Variants in AGK observed in about 807,000 individuals in gnomAD.
AGK encodes acylglycerol kinase, also known as acylglycerol kinase, mitochondrial.
A neutral mutation model predicts 66.4 loss-of-function variants in AGK; 52 were observed. The observed-to-expected ratio is 0.78, with a 90% CI of 0.63 to 0.99. The LOEUF is 0.99. AGK is among the 50% of genes least tolerant of loss of function. The probability of loss-of-function intolerance (pLI) is 0.00; values close to 1 mark genes in which losing one functional copy is unlikely to be tolerated. For missense variants in AGK, 451 were observed against 506.6 expected (o/e 0.89, Z 1.05); for synonymous variants, 182 against 181.1 (o/e 1.00, Z -0.04).
intron 11 of AGK, among the ~76,000 whole-genome samples, chr7:141,638,212 A>G (rs1233233069): frequency 6.6e-6 from 1 of 152,176 alleles, no homozygotes; most frequent in Non-Finnish European, 1.5e-5. Flanking sequence ...AAAGATAGAA[A>G]GATTAAGAAG....
chr7:141,611,343 A>G (rs1796585457), intron 6 of AGK, 56 bp downstream of exon 6: 1 of 1,288,778 alleles, frequency 7.8e-7, no homozygotes, highest in Non-Finnish European at 1.1e-6. Context: ...TGGAAATTAA[A>G]TCCTAGAGCA....
intron 3 of AGK, among the ~76,000 whole-genome samples, chr7:141,595,709 T>C (rs2116925897): frequency 6.6e-6 from 1 of 152,334 alleles, no homozygotes; most frequent in South Asian, 2.1e-4. Context: ...CTATTCTTTT[T>C]GTTGACATCA....
rs1210711219 is a variant in AGK at position 141,633,977 on chromosome 7, G to T, written c.665G>T (p.Ser222Ile). Residue 222 changes from serine to isoleucine, a missense_variant, in exon 10 of 16, where the codon AGC becomes ATC. Ser to Ile is a moderately radical substitution (Grantham distance 142, BLOSUM62 -2). Transcript: ENST00000649286. ...GSFRDAGVKV[S>I]KYWYLGPLKI... Reference sequence around the variant, plus strand: ...TTCAGAGATGCTGGCGTCAAAGTTAGCAAGTAAAGGATTACTATATTGATG... The same window carrying T: ...TTCAGAGATGCTGGCGTCAAAGTTATCAAGTAAAGGATTACTATATTGATG... The T allele has an allele frequency of 6.2e-7, 1 of 1,612,974 alleles. No individual in the cohort carries two copies. The highest frequency in any genetic ancestry group is 8.5e-7 in the Non-Finnish European group (1 of 1,178,958).
chr7:141,553,068 C>T lies in AGK; in HGVS notation c.-15+1634C>T, dbSNP rs552480308. On this transcript the variant is annotated intron_variant, in intron 1 of 15. Transcript: ENST00000649286. ...AACAGAAATTTAATTCTCACAGTTC[C>T]GGAGGCTGGAAGTCCAAAGTTAAGG... 1.1e-3 allele frequency among the ~76,000 whole-genome samples: 169 copies of T among 152,210 alleles called. 1 individual carries two copies. The highest frequency in any genetic ancestry group is 4.0e-3 in the African/African-American group (165 of 41,530).
chr7:141,647,975 ATTAT>A (rs781296931), intron 13 of AGK, among the ~76,000 whole-genome samples: 82 of 152,164 alleles, frequency 5.4e-4, no homozygotes, highest in Non-Finnish European at 1.1e-3. Context: ...CTGGCCAAAA[ATTAT>A]TTATTTTTTA....
At chr7:141,570,628 T>C (rs1016173081) in intron 2 of AGK, among the ~76,000 whole-genome samples, 7 of 141,678 alleles carry the variant, frequency 4.9e-5, no homozygotes, top group Non-Finnish European at 9.5e-5. Flanking sequence ...TGTCCTCTAC[T>C]TTTTTTTTTT....
At chr7:141,623,497 C>T (rs1796871484) in intron 9 of AGK, among the ~76,000 whole-genome samples, 1 of 152,002 alleles carries the variant, frequency 6.6e-6, no homozygotes, top group East Asian at 1.9e-4. Context: ...CCACAACATT[C>T]CCTTAAGCCA....
chr7:141,553,073 G>T (rs774554981), intron 1 of AGK, among the ~76,000 whole-genome samples: 11 of 152,140 alleles, frequency 7.2e-5, no homozygotes, highest in African/African-American at 1.2e-4. Flanking sequence ...AGTTCCGGAG[G>T]CTGGAAGTCC....
intron 8 of AGK, among the ~76,000 whole-genome samples, chr7:141,617,000 GC>G (rs1485673347): frequency 6.6e-6 from 1 of 151,850 alleles, no homozygotes; most frequent in Non-Finnish European, 1.5e-5. Flanking sequence ...CTCGTGATCC[GC>G]CCGCCTCGGC....
intron 2 of AGK, among the ~76,000 whole-genome samples, chr7:141,580,638 A>T (rs1350951119): frequency 6.6e-6 from 1 of 151,982 alleles, no homozygotes; most frequent in Non-Finnish European, 1.5e-5. Flanking sequence ...AGCTGTAGAG[A>T]GTGAGTTGAG....
chr7:141,637,110 C>G (rs889389673), intron 11 of AGK, 93 bp downstream of exon 11: 8 of 995,592 alleles, frequency 8.0e-6, no homozygotes, highest in Admixed American at 6.6e-5. Context: ...TTCCTTGCTA[C>G]AGATGAATGT....
intron 11 of AGK, among the ~76,000 whole-genome samples, chr7:141,637,405 G>T (rs529083097): frequency 6.6e-6 from 1 of 152,130 alleles, no homozygotes; most frequent in Non-Finnish European, 1.5e-5. Context: ...ATATCTAATT[G>T]TACAGGTTTG....
intron 9 of AGK, among the ~76,000 whole-genome samples, chr7:141,632,076 C>T (rs185103419): frequency 1.3e-5 from 2 of 151,722 alleles, no homozygotes; most frequent in African/African-American, 4.8e-5. Flanking sequence ...TAAAAGAATA[C>T]AAAAATTAGC....
Position 141,621,708 on chromosome 7 carries a change from T to C in AGK, c.519-24T>C, listed in dbSNP as rs1196689910. The C allele has an allele frequency of 2.5e-6, 4 of 1,581,328 alleles. No individual in the cohort carries two copies. In the East Asian group the frequency reaches 9.0e-5, roughly 35 times the overall value. ...GAGATGTTGCCTATTTTTCATAATATGATCATTTCCTTTTCTCTTTTAGAC... is the reference window on the plus strand; with the variant it reads ...GAGATGTTGCCTATTTTTCATAATACGATCATTTCCTTTTCTCTTTTAGAC... On this transcript the variant is annotated intron_variant, in intron 8 of 15. Coordinates refer to ENST00000649286, the MANE Select transcript of AGK (RefSeq NM_018238.4).
At chr7:141,630,330 A>G (rs1474298325) in intron 9 of AGK, among the ~76,000 whole-genome samples, 4 of 152,158 alleles carry the variant, frequency 2.6e-5, no homozygotes, top group African/African-American at 9.7e-5. Context: ...GATAGGAGGA[A>G]TAAGTTTTGA....
intron 2 of AGK, among the ~76,000 whole-genome samples, chr7:141,567,058 A>G (rs137891261): frequency 6.6e-6 from 1 of 152,208 alleles, no homozygotes; most frequent in Non-Finnish European, 1.5e-5. Flanking sequence ...GATACTTTTC[A>G]TGCCACATTT....
Position 141,596,582 on chromosome 7 carries a change from TC to T in AGK, c.164del (p.Pro55LeufsTer6), listed in dbSNP as rs1271981089. On this transcript the variant is annotated frameshift_variant, in exon 4 of 16. Transcript: ENST00000649286. LOFTEE classifies it high-confidence loss of function. ...EAQVFGNQLI[P>X]PNAQVKKATV... ...TTTAGGTGTTTGGCAATCAACTCAT[TC>T]CTCCCAATGCACAAGTGAAGAAGGC... is the stretch of plus-strand genomic sequence containing the variant. 1 of 1,613,956 alleles carries T rather than the reference TC, an allele frequency of 6.2e-7. No individual in the cohort carries two copies. The highest frequency in any genetic ancestry group is 1.3e-5 in the African/African-American group (1 of 74,920).
intron 4 of AGK, 176 bp downstream of exon 4, chr7:141,596,817 A>G: frequency 1.7e-6 from 1 of 588,470 alleles, no homozygotes; most frequent in Non-Finnish European, 3.0e-6. Context: ...TAACTATAAA[A>G]CTAATGGATG....
At chr7:141,651,399 A>G (rs1237722011) in intron 14 of AGK, 126 bp from the exon 15 acceptor site, 8 of 737,674 alleles carry the variant, frequency 1.1e-5, no homozygotes, top group Admixed American at 6.5e-5. Flanking sequence ...ACAGAATTCT[A>G]TGGCTTAATA....
Sources: allele counts gnomAD v4.1 joint callset (sites outside exome capture counted in the v4.1 genomes callset), GRCh38; gene constraint gnomAD v4.1.1; transcripts MANE v1.5; gene names NCBI Gene and HGNC (gene_info 2026-07-23, HGNC 2026-07-21).